Variants in RGS20 observed in about 807,000 individuals in gnomAD.
RGS20 encodes the protein gz-selective GTPase-activating protein.
A neutral mutation model predicts 33.6 loss-of-function variants in RGS20; 30 were observed. That is an observed-to-expected ratio of 0.89 (90% confidence interval 0.67 to 1.21). RGS20 has a LOEUF of 1.21. Ranked by LOEUF, RGS20 falls within the 50% of genes most tolerant of loss-of-function variation. The pLI, the probability that RGS20 is intolerant of heterozygous loss-of-function variation, is 0.00. For synonymous variants in RGS20, 208 were observed against 197.9 expected (o/e 1.05, Z -0.43); for missense variants, 472 against 502.4 (o/e 0.94, Z 0.58).
At chr8:53,952,160 A>G (rs1281903676) in intron 4 of RGS20, among the ~76,000 whole-genome samples, 1 of 135,630 alleles carries the variant, frequency 7.4e-6, no homozygotes, top group Non-Finnish European at 1.6e-5. Flanking sequence ...TCACTGCAAC[A>G]TCTGCCTCCC....
At chr8:53,950,312 G>A (rs1032211641) in intron 4 of RGS20, among the ~76,000 whole-genome samples, 2 of 152,116 alleles carry the variant, frequency 1.3e-5, no homozygotes, top group East Asian at 1.9e-4. Context: ...AAAGACCCAC[G>A]TAACAAGGAG....
At position 53,899,492 on chromosome 8, in the gene RGS20, T is replaced by TA. The variant is rs557404196; in HGVS notation, c.510+19892dup. On this transcript the variant is annotated intron_variant, in intron 2 of 5. Transcript: ENST00000297313. ...TATGACATCCATTCATAGAGATGTG[T>TA]AACCATCACTGCAATTCATTTTAGA... is the stretch of plus-strand genomic sequence containing the variant. 7.9e-5 allele frequency among the ~76,000 whole-genome samples: 12 copies of TA among 152,324 alleles called. No individual in the cohort carries two copies. The South Asian group carries it at 2.5e-3, about 32-fold the overall frequency.
chr8:53,885,693 C>T (rs1812522104), intron 2 of RGS20, among the ~76,000 whole-genome samples: 1 of 151,586 alleles, frequency 6.6e-6, no homozygotes, highest in Non-Finnish European at 1.5e-5. Flanking sequence ...GATGGTGTGT[C>T]TTCCAGGGGA....
chr8:53,943,588 G>A (rs1814370740), intron 3 of RGS20, among the ~76,000 whole-genome samples: 1 of 152,138 alleles, frequency 6.6e-6, no homozygotes, highest in Non-Finnish European at 1.5e-5. Context: ...GTGGACCGAG[G>A]TAAAGAAAAC....
rs187183579 is a variant in RGS20, at chr8:53,862,954, G to A, written c.165+10890G>A. 2.1e-3 allele frequency among the ~76,000 whole-genome samples: 312 copies of A among 152,188 alleles called. 2 individuals are homozygous for A. Among genetic ancestry groups the A allele is most frequent in the African/African-American group, 7.2e-3 (297 of 41,510 alleles). On this transcript the variant is annotated intron_variant, in intron 1 of 5. Coordinates refer to ENST00000297313, the MANE Select transcript of RGS20 (RefSeq NM_170587.4). ...TAATGCCTTTGGGTTTTAGGAAATC[G>A]GGAACCAGAGAGCTCATGACATTTT...
intron 2 of RGS20, among the ~76,000 whole-genome samples, chr8:53,894,438 C>T (rs1812797922): frequency 6.6e-6 from 1 of 152,204 alleles, no homozygotes; most frequent in African/African-American, 2.4e-5. Flanking sequence ...AACATTCTGT[C>T]AGCTTAGCCC....
intron 2 of RGS20, among the ~76,000 whole-genome samples, chr8:53,923,497 A>G (rs985429120): frequency 6.6e-6 from 1 of 152,036 alleles, no homozygotes; most frequent in African/African-American, 2.4e-5. Context: ...TGGGGAGCTG[A>G]GGCAGGAGGA....
intron 2 of RGS20, chr8:53,879,975 C>T (rs767736990): frequency 6.1e-5 from 15 of 244,326 alleles, no homozygotes; most frequent in Non-Finnish European, 1.0e-4. Flanking sequence ...AGCGCTCGCT[C>T]TCCCACTCCC....
intron 1 of RGS20, among the ~76,000 whole-genome samples, chr8:53,864,986 C>G (rs530367759): frequency 6.6e-6 from 1 of 152,160 alleles, no homozygotes; most frequent in Non-Finnish European, 1.5e-5. Flanking sequence ...AATCAATGCC[C>G]GCTAACAAGT....
intron 1 of RGS20, chr8:53,876,453 G>C (rs1812211277): frequency 6.6e-6 from 1 of 152,182 alleles, no homozygotes; most frequent in Non-Finnish European, 1.5e-5. Context: ...CCAGGAATAC[G>C]GTACTGATGA....
chr8:53,866,240 G>T (rs1353224015), intron 1 of RGS20, among the ~76,000 whole-genome samples: 1 of 152,130 alleles, frequency 6.6e-6, no homozygotes, highest in East Asian at 1.9e-4. Flanking sequence ...CAAGGAATAG[G>T]TGACAGAAAG....
At chr8:53,921,195 T>A (rs1181929534) in intron 2 of RGS20, among the ~76,000 whole-genome samples, 1 of 152,244 alleles carries the variant, frequency 6.6e-6, no homozygotes, top group South Asian at 2.1e-4. Flanking sequence ...ATCCTTTTTT[T>A]ACATGTTGCT....
At chr8:53,931,552 AAACAACAACAACAACAACAACAAC>A (rs147351535) in intron 2 of RGS20, among the ~76,000 whole-genome samples, 5 of 150,592 alleles carry the variant, frequency 3.3e-5, no homozygotes, top group African/African-American at 1.2e-4. Context: ...CAAAACTCCA[AAACAACAACAACAACAACAACAAC>A]AACAACAACA....
intron 1 of RGS20, among the ~76,000 whole-genome samples, chr8:53,863,238 C>T (rs906456987): frequency 4.6e-5 from 7 of 152,074 alleles, no homozygotes; most frequent in Admixed American, 2.0e-4. Context: ...CCGCCCGCCT[C>T]GGCCTCCCAA....
At chr8:53,894,221 G>A (rs1368566080) in intron 2 of RGS20, among the ~76,000 whole-genome samples, 1 of 152,164 alleles carries the variant, frequency 6.6e-6, no homozygotes, top group Non-Finnish European at 1.5e-5. Flanking sequence ...TCCCTGCGAA[G>A]AGTCCAAAGC....
At chr8:53,892,261 G>A (rs1216568011) in intron 2 of RGS20, among the ~76,000 whole-genome samples, 1 of 152,186 alleles carries the variant, frequency 6.6e-6, no homozygotes, top group Non-Finnish European at 1.5e-5. Flanking sequence ...TGGTGTATAT[G>A]TGCCACATTT....
At chr8:53,947,465 A>G (rs916510062) in intron 4 of RGS20, among the ~76,000 whole-genome samples, 1 of 138,182 alleles carries the variant, frequency 7.2e-6, no homozygotes, top group Non-Finnish European at 1.5e-5. Context: ...GCTATATATA[A>G]GATATAGTAT....
intron 1 of RGS20, among the ~76,000 whole-genome samples, chr8:53,879,020 A>G (rs1158904655): frequency 2.6e-5 from 4 of 152,080 alleles, no homozygotes; most frequent in African/African-American, 9.7e-5. Flanking sequence ...ATTTCTAACA[A>G]GCTCCTAGGT....
At chr8:53,939,891 A>G (rs73680381) in intron 3 of RGS20, among the ~76,000 whole-genome samples, 167 bp downstream of exon 2, 1,763 of 152,306 alleles carry the variant, frequency 0.012, 31 homozygotes, top group African/African-American at 0.04. Flanking sequence ...AAGAAATAAC[A>G]ACAGGCTGCA....
Sources: allele counts gnomAD v4.1 joint callset (sites outside exome capture counted in the v4.1 genomes callset), GRCh38; gene constraint gnomAD v4.1.1; transcripts MANE v1.5; gene names NCBI Gene and HGNC (gene_info 2026-07-23, HGNC 2026-07-21).